Variants in NBEAL1 observed in about 807,000 individuals in gnomAD.
The protein encoded by NBEAL1 is neurobeachin-like protein 1.
A neutral mutation model predicts 351.3 loss-of-function variants in NBEAL1; 273 were observed. The observed-to-expected ratio is 0.78, with a 90% CI of 0.70 to 0.86. The LOEUF (loss-of-function observed/expected upper bound fraction) is 0.86. NBEAL1 is among the 40% of genes least tolerant of loss of function. The pLI is 0.00. For missense variants in NBEAL1, 2,961 were observed against 3,201.3 expected, an observed-to-expected ratio of 0.92 and a Z score of 1.81; for synonymous variants, 1,050 against 1,086.4, an observed-to-expected ratio of 0.97 and a Z score of 0.66.
chr2:203,146,175 T>C (rs2063509742), intron 33 of NBEAL1, among the ~76,000 whole-genome samples: 1 of 152,102 alleles, frequency 6.6e-6, no homozygotes, highest in East Asian at 1.9e-4. Flanking sequence ...CTGACACAAA[T>C]TTCCAAAACT....
chr2:203,027,905 A>G (rs766585787), intron 2 of NBEAL1, among the ~76,000 whole-genome samples: 1 of 151,646 alleles, frequency 6.6e-6, no homozygotes, highest in South Asian at 2.1e-4. Flanking sequence ...TTTTTTTTTA[A>G]ATGGAGTCTC....
intron 10 of NBEAL1, among the ~76,000 whole-genome samples, chr2:203,089,751 A>G (rs941550107): frequency 6.6e-6 from 1 of 152,196 alleles, no homozygotes; most frequent in Non-Finnish European, 1.5e-5. Flanking sequence ...CATTTTAAAG[A>G]CAGTTAGTTC....
intron 4 of NBEAL1, among the ~76,000 whole-genome samples, chr2:203,055,816 G>A (rs937780700): frequency 8.6e-5 from 13 of 151,972 alleles, no homozygotes; most frequent in African/African-American, 2.9e-4. Flanking sequence ...TAAAAATGAG[G>A]GACCATATTT....
At chr2:203,128,890 C>T (rs557912155) in intron 24 of NBEAL1, among the ~76,000 whole-genome samples, 3 of 152,170 alleles carry the variant, frequency 2.0e-5, no homozygotes, top group Admixed American at 6.5e-5. Context: ...GCCACCATGC[C>T]CAGCCATTAG....
intron 46 of NBEAL1, among the ~76,000 whole-genome samples, chr2:203,191,725 A>C (rs1229223099): frequency 6.6e-6 from 1 of 152,200 alleles, no homozygotes; most frequent in Non-Finnish European, 1.5e-5. Context: ...TTCTATGTTT[A>C]CACAACAAGA....
intron 10 of NBEAL1, among the ~76,000 whole-genome samples, chr2:203,094,201 TAGTC>T (rs1359603507): frequency 5.3e-5 from 8 of 152,150 alleles, no homozygotes; most frequent in African/African-American, 1.9e-4. Flanking sequence ...GGTCACAGTT[TAGTC>T]AGTAGGGAAA....
Position 203,196,380 on chromosome 2 carries a change from AG to A in NBEAL1, c.7039-920del, listed in dbSNP as rs1427303117. On this transcript the variant is annotated intron_variant, in intron 47 of 55. Transcript: ENST00000683969. ...GTTAATCCCTTTTCATCCTCGTAAG[AG>A]GTATTTCCCCATGTATTAATATGAA... Among the ~76,000 whole-genome samples, 5 of 152,152 alleles carry A rather than the reference AG, an allele frequency of 3.3e-5. No homozygotes were observed. The East Asian group carries it at 9.6e-4, about 29-fold the overall frequency.
intron 31 of NBEAL1, among the ~76,000 whole-genome samples, chr2:203,142,704 A>G (rs1456291402): frequency 6.6e-6 from 1 of 152,200 alleles, no homozygotes; most frequent in African/African-American, 2.4e-5. Flanking sequence ...TTATGTAAAT[A>G]GTATTTTCTT....
chr2:203,046,752 A>G (rs1327456289), intron 3 of NBEAL1, among the ~76,000 whole-genome samples: 4 of 152,164 alleles, frequency 2.6e-5, no homozygotes, highest in Non-Finnish European at 4.4e-5. Context: ...TCTTGGCTTA[A>G]TCACTTCCTA....
rs772590386 is a variant in NBEAL1 at position 203,077,829 on chromosome 2, G to A, written c.676G>A (p.Gly226Ser). 28 of 1,441,678 alleles carry A rather than the reference G, an allele frequency of 1.9e-5. No individual in the cohort carries two copies. In the South Asian group the frequency reaches 2.4e-4, roughly 12 times the overall value. 89.3% of individuals were successfully genotyped at this position (1,441,678 alleles called of 1,614,324 possible). ...GCATCTCTTTGGAGCCATTGTAGCC[G>A]GTGGGCAGGTAAGGAAAGTGTTGAA... ...LLHLFGAIVA[G>S]GQRNALQAIS... is the part of the protein sequence containing the mutation. The change falls in exon 8 of 56, where the codon GGT (glycine) becomes AGT (serine). Residue 226 changes from glycine to serine, a missense_variant. Physicochemically the swap from Gly to Ser is moderately conservative, Grantham distance 56. Transcript: ENST00000683969.
Position 203,088,350 on chromosome 2 carries a change from T to C in NBEAL1, c.1098+3781T>C, listed in dbSNP as rs367683181. On this transcript the variant is annotated intron_variant, in intron 10 of 55. Transcript: ENST00000683969. ...GAGGGAAAAGAGTCAGCATGTGTAT[T>C]ACAGAATGATTAGGAAATGGGAAAG... Among the ~76,000 whole-genome samples the C allele has an allele frequency of 3.9e-5, 6 of 152,248 alleles. No homozygotes were observed. In the East Asian group the frequency reaches 9.7e-4, roughly 25 times the overall value.
At chr2:203,180,651 A>G in intron 43 of NBEAL1, 139 bp downstream of exon 43, 1 of 799,696 alleles carries the variant, frequency 1.3e-6, no homozygotes, top group Non-Finnish European at 1.8e-6. Flanking sequence ...GACAGGGCTG[A>G]ACTAATGCTA....
chr2:203,019,927 G>A (rs7597401), intron 2 of NBEAL1, among the ~76,000 whole-genome samples: 45,890 of 151,930 alleles, frequency 0.3, 7,500 homozygotes, highest in East Asian at 0.61. Flanking sequence ...AGCAGATGGA[G>A]TCCCAATATT....
intron 53 of NBEAL1, among the ~76,000 whole-genome samples, chr2:203,210,312 A>G (rs2065747162): frequency 6.6e-6 from 1 of 150,998 alleles, no homozygotes; most frequent in African/African-American, 2.4e-5. Context: ...GCAGTGAGCC[A>G]AGATTATGCC....
intron 2 of NBEAL1, among the ~76,000 whole-genome samples, chr2:203,032,233 C>T (rs939224169): frequency 6.6e-6 from 1 of 152,078 alleles, no homozygotes; most frequent in South Asian, 2.1e-4. Flanking sequence ...GAGCCAGAAG[C>T]ACCAACCTGA....
intron 44 of NBEAL1, among the ~76,000 whole-genome samples, chr2:203,185,607 C>T (rs2064872571): frequency 6.6e-6 from 1 of 152,196 alleles, no homozygotes; most frequent in South Asian, 2.1e-4. Flanking sequence ...AGGAATTCTG[C>T]TGGTCTTGCT....
intron 7 of NBEAL1, among the ~76,000 whole-genome samples, chr2:203,070,279 A>C (rs2061658819): frequency 6.6e-6 from 1 of 151,796 alleles, no homozygotes; most frequent in Non-Finnish European, 1.5e-5. Flanking sequence ...CAAATATTAA[A>C]CTAACATCAT....
At chr2:203,100,572 G>T in intron 12 of NBEAL1, among the ~76,000 whole-genome samples, 2 of 148,532 alleles carry the variant, frequency 1.3e-5, no homozygotes, top group Non-Finnish European at 1.5e-5. Context: ...TTGGAGGTAG[G>T]GTCTCCCTCT....
rs907986696 is a variant in NBEAL1 at position 203,028,133 on chromosome 2, C to T, written c.51+11698C>T. On this transcript the variant is annotated intron_variant, in intron 2 of 55. Coordinates refer to ENST00000683969, the MANE Select transcript of NBEAL1 (RefSeq NM_001378026.1). ...TCTTGACCTAGTGATCTGCCCACCT[C>T]AGCCTCCCAAAGTGCTGGGATTACA... Among the ~76,000 whole-genome samples, 22 of 152,042 alleles carry T rather than the reference C, an allele frequency of 1.4e-4. 1 individual carries two copies. Among genetic ancestry groups the T allele is most frequent in the African/African-American group, 5.3e-4 (22 of 41,470 alleles).
Sources: allele counts gnomAD v4.1 joint callset (sites outside exome capture counted in the v4.1 genomes callset), GRCh38; gene constraint gnomAD v4.1.1; transcripts MANE v1.5; gene names NCBI Gene and HGNC (gene_info 2026-07-23, HGNC 2026-07-21).